Variants in HPRT1 observed in about 807,000 individuals in gnomAD.
HPRT1 encodes the protein hypoxanthine phosphoribosyltransferase 1.
Under a neutral mutation model 19.0 loss-of-function variants are expected in HPRT1, and 4 were observed. The ratio of observed to expected loss-of-function variants is 0.21; its 90% confidence interval spans 0.10 to 0.48. The LOEUF (loss-of-function observed/expected upper bound fraction) is 0.48, where lower values mean the gene tolerates loss of function less well. Among genes scored for constraint, HPRT1 ranks in the 20% least tolerant of loss-of-function variants. The probability of loss-of-function intolerance (pLI) is 0.98; values close to 1 mark genes in which losing one functional copy is unlikely to be tolerated. For synonymous variants in HPRT1, 53 were observed against 54.9 expected, an observed-to-expected ratio of 0.97 and a Z score of 0.15; for missense variants, 65 against 164.0, an observed-to-expected ratio of 0.40 and a Z score of 3.30.
intron 2 of HPRT1, among the ~76,000 whole-genome samples, chrX:134,474,216 C>T (rs974719419): frequency 9.0e-6 from 1 of 111,588 alleles, no homozygotes; most frequent in Non-Finnish European, 1.9e-5. Context: ...TATTGATAGA[C>T]ACTATTTTGT....
chrX:134,481,832 G>GA (rs200956832), intron 3 of HPRT1, among the ~76,000 whole-genome samples: 1,576 of 110,413 alleles, frequency 0.014, 34 homozygotes, highest in African/African-American at 0.049. Context: ...CAAATTTTGT[G>GA]AAAAAAAATT....
chrX:134,468,413 G>A (rs1365522918), intron 1 of HPRT1, among the ~76,000 whole-genome samples: 3 of 108,155 alleles, frequency 2.8e-5, no homozygotes, highest in African/African-American at 1.0e-4. Context: ...AGGAGATCGA[G>A]ACCATCCTGG....
chrX:134,471,960 TTTG>T (rs1374757016), intron 1 of HPRT1, among the ~76,000 whole-genome samples: 1 of 110,439 alleles, frequency 9.1e-6, no homozygotes, highest in African/African-American at 3.3e-5. Context: ...TGTGGTTTTT[TTTG>T]TTTGTTTTGT....
chrX:134,474,798 G>C (rs1230296807), intron 2 of HPRT1, among the ~76,000 whole-genome samples: 1 of 111,727 alleles, frequency 9.0e-6, no homozygotes, highest in Non-Finnish European at 1.9e-5. Context: ...ATAGTGGTAT[G>C]CTTGGTTTTT....
chrX:134,491,929 G>A (rs1382901692), intron 5 of HPRT1, among the ~76,000 whole-genome samples: 1 of 95,831 alleles, frequency 1.0e-5, no homozygotes, highest in Non-Finnish European at 2.1e-5. Flanking sequence ...ATGTATGTAT[G>A]TATATATGTG....
At chrX:134,469,734 A>G (rs1405375544) in intron 1 of HPRT1, among the ~76,000 whole-genome samples, 1 of 111,963 alleles carries the variant, frequency 8.9e-6, no homozygotes, top group Non-Finnish European at 1.9e-5. Context: ...GTAAGCTTCA[A>G]GGAAGAAGTC....
rs1055741989 is a variant in HPRT1, at chrX:134,460,213, C to T, written c.-99C>T. ...CCTCAGGCGAACCTCTCGGCTTTCC[C>T]GCGCGGCGCCGCCTCTTGCTGCGCC... On this transcript the variant is annotated 5_prime_UTR_variant, in exon 1 of 9. Coordinates refer to ENST00000298556, the MANE Select transcript of HPRT1 (RefSeq NM_000194.3). 5 of 947,577 alleles carry T rather than the reference C, an allele frequency of 5.3e-6. No homozygotes were observed. The African/African-American group carries it at 1.0e-4, about 20-fold the overall frequency. 78.1% of individuals were successfully genotyped at this position (947,577 alleles called of 1,213,427 possible).
In HPRT1 at chrX:134,475,292, C is replaced by T; in HGVS notation, c.246C>T (p.Ile82=). 1.7e-6 allele frequency: 2 copies of T among 1,197,047 alleles called. No individual in the cohort carries two copies. The change falls in exon 3 of 9, where the codon ATC becomes ATT. Residue 82 remains isoleucine (I), a synonymous_variant. Transcript: ENST00000298556. Reference sequence around the variant, plus strand: ...TCTTTGCTGACCTGCTGGATTACATCAAAGCACTGAATAGAAATAGTGATA... The same window carrying T: ...TCTTTGCTGACCTGCTGGATTACATTAAAGCACTGAATAGAAATAGTGATA... The part of the protein sequence containing the change: ...YKFFADLLDY[I]KALNRNSDRS...
chrX:134,490,303 A>G, intron 5 of HPRT1, 98 bp downstream of exon 5: 1 of 455,299 alleles, frequency 2.2e-6, no homozygotes, highest in Middle Eastern at 3.7e-4. Context: ...CCTCTGCATC[A>G]GTTTTAATGG....
intron 1 of HPRT1, among the ~76,000 whole-genome samples, chrX:134,471,320 A>G (rs1179957092): frequency 1.8e-5 from 2 of 111,727 alleles, no homozygotes; most frequent in Non-Finnish European, 3.8e-5. Context: ...TTTTTTCTGT[A>G]TATAGGTACA....
rs1390242976 is a variant in HPRT1 at position 134,493,703 on chromosome X, G to A, written c.485+113G>A. ...TGTCATTTTATCTTCGAAAAGTAATGTAATCTCATATAAGACTTAAGATAT... is the reference window on the plus strand; with the variant it reads ...TGTCATTTTATCTTCGAAAAGTAATATAATCTCATATAAGACTTAAGATAT... On this transcript the variant is annotated intron_variant, in intron 6 of 8. Transcript: ENST00000298556. 3.3e-5 allele frequency: 18 copies of A among 553,339 alleles called. No individual in the cohort carries two copies. In the Admixed American group the frequency reaches 3.6e-4, roughly 11 times the overall value. 45.6% of individuals were successfully genotyped at this position (553,339 alleles called of 1,213,427 possible).
Position 134,475,200 on chromosome X carries a change from G to C in HPRT1, c.154G>C (p.Asp52His). 1 of 1,205,320 alleles carries C rather than the reference G, an allele frequency of 8.3e-7. No homozygotes were observed. The highest frequency in any genetic ancestry group is 1.1e-6 in the Non-Finnish European group (1 of 889,678). Residue 52 changes from aspartate to histidine, a missense_variant, in exon 3 of 9, where the codon GAT becomes CAT. Coordinates refer to ENST00000298556, the MANE Select transcript of HPRT1 (RefSeq NM_000194.3). Reference protein sequence around the residue: ...IMDRTERLARDVMKEMGGHHI... With the variant: ...IMDRTERLARHVMKEMGGHHI... ...CTGTAGGACTGAACGTCTTGCTCGA[G>C]ATGTGATGAAGGAGATGGGAGGCCA...
intron 8 of HPRT1, 64 bp downstream of exon 8, chrX:134,498,748 ATTGTT>A: frequency 2.7e-6 from 2 of 744,975 alleles, no homozygotes; most frequent in Non-Finnish European, 4.2e-6. Context: ...AGGAAAGAGA[ATTGTT>A]TTCTCCTTCC....
chrX:134,491,004 A>C (rs367831981), intron 5 of HPRT1, among the ~76,000 whole-genome samples: 2 of 95,862 alleles, frequency 2.1e-5, no homozygotes, highest in African/African-American at 7.7e-5. Context: ...CTCTCTCTCT[A>C]TGTATATATA....
chrX:134,494,918 T>C (rs1225596587), intron 6 of HPRT1, among the ~76,000 whole-genome samples: 1 of 111,909 alleles, frequency 8.9e-6, no homozygotes, highest in African/African-American at 3.2e-5. Context: ...ACCATAGTTT[T>C]GTAGCACCGA....
At chrX:134,488,929 C>T (rs1460669401) in intron 4 of HPRT1, among the ~76,000 whole-genome samples, 1 of 111,641 alleles carries the variant, frequency 9.0e-6, no homozygotes, top group African/African-American at 3.3e-5. Flanking sequence ...TTTTTTCCTG[C>T]CTGTAAAATA....
At chrX:134,486,753 T>C in intron 4 of HPRT1, 1 of 369,570 alleles carries the variant, frequency 2.7e-6, no homozygotes, top group South Asian at 3.1e-5. Context: ...AGTACTGCTG[T>C]CTGCCTCTGT....
intron 6 of HPRT1, among the ~76,000 whole-genome samples, chrX:134,497,390 G>GGGAGGCCGAGGT (rs1449094657): frequency 9.0e-6 from 1 of 111,587 alleles, no homozygotes; most frequent in Non-Finnish European, 1.9e-5. Flanking sequence ...CCAGCACTTT[G>GGGAGGCCGAGGT]GGAGGCCGAG....
At chrX:134,467,955 T>C (rs1460127588) in intron 1 of HPRT1, among the ~76,000 whole-genome samples, 1 of 108,299 alleles carries the variant, frequency 9.2e-6, no homozygotes, top group African/African-American at 3.4e-5. Context: ...TACAGGCCTG[T>C]GCCACCATGC....
Sources: gnomAD v4.1 joint callset for allele counts (sites outside exome capture counted in the v4.1 genomes callset) on GRCh38, gnomAD v4.1.1 for gene constraint, MANE v1.5 for transcripts, NCBI Gene and HGNC (gene_info 2026-07-23, HGNC 2026-07-21) for gene names.